SPAG9: variants seen among roughly 807,000 people sequenced by gnomAD.
SPAG9 encodes C-Jun-amino-terminal kinase-interacting protein 4.
A neutral mutation model predicts 166.5 loss-of-function variants in SPAG9; 35 were observed. The observed-to-expected ratio is 0.21, with a 90% CI of 0.16 to 0.28. The LOEUF (loss-of-function observed/expected upper bound fraction) is 0.28. Ranked by LOEUF, SPAG9 falls within the 10% of genes least tolerant of loss-of-function variation. The pLI is 1.00. For synonymous variants in SPAG9, 534 were observed against 565.5 expected (o/e 0.94, Z 0.79); for missense variants, 1,235 against 1,603.3 (o/e 0.77, Z 3.92).
chr17:51,096,922 A>G (rs2048665086), intron 1 of SPAG9, among the ~76,000 whole-genome samples: 2 of 152,230 alleles, frequency 1.3e-5, no homozygotes, highest in Non-Finnish European at 1.5e-5. Flanking sequence ...TAATGGGTAG[A>G]TTCATGGCTG....
intron 21 of SPAG9, chr17:50,989,395 G>A (rs1408916585): frequency 2.1e-6 from 1 of 466,560 alleles, no homozygotes; most frequent in Non-Finnish European, 3.9e-6. Flanking sequence ...ATCACCTAAT[G>A]ACACATTTCT....
intron 4 of SPAG9, among the ~76,000 whole-genome samples, chr17:51,041,927 A>T (rs1053525731): frequency 3.3e-5 from 5 of 152,236 alleles, no homozygotes; most frequent in African/African-American, 1.2e-4. Flanking sequence ...CCCAAGAAGC[A>T]GTCAGTGGTC....
chr17:51,100,508 C>T (rs2048778844), intron 1 of SPAG9, among the ~76,000 whole-genome samples: 1 of 152,052 alleles, frequency 6.6e-6, no homozygotes, highest in Non-Finnish European at 1.5e-5. Flanking sequence ...TGTGACAGTA[C>T]CTACAGTACC....
In SPAG9 at chr17:50,964,784, G is replaced by C; in HGVS notation, c.*1488C>G. On this transcript the variant is annotated 3_prime_UTR_variant, in exon 30 of 30. Transcript: ENST00000262013. ...TTTGTCTGTTTTGAGACAGGGTCTT[G>C]CTCCGTCACCCAGGCTGGAGTGCAG... 2.3e-6 allele frequency: 1 copy of C among 441,924 alleles called. No individual in the cohort carries two copies. Among genetic ancestry groups the C allele is most frequent in the South Asian group, 1.6e-5 (1 of 62,792 alleles). 27.4% of individuals were successfully genotyped at this position (441,924 alleles called of 1,614,324 possible). A position where few individuals can be genotyped will look rare whatever the true frequency, so the allele number is the denominator to read the frequency against.
intron 1 of SPAG9, among the ~76,000 whole-genome samples, chr17:51,100,022 C>A (rs2144732069): frequency 6.6e-6 from 1 of 152,198 alleles, no homozygotes; most frequent in South Asian, 2.1e-4. Context: ...ATCACTTGAA[C>A]CTGGGAGGCG....
At chr17:51,070,176 A>G (rs1398847114) in intron 2 of SPAG9, among the ~76,000 whole-genome samples, 1 of 152,126 alleles carries the variant, frequency 6.6e-6, no homozygotes, top group Non-Finnish European at 1.5e-5. Flanking sequence ...AAATCTTTTC[A>G]TCTTCTCCAC....
chr17:50,987,150 A>T lies in SPAG9; in HGVS notation c.2901T>A (p.Ser967Arg). 6.2e-7 allele frequency: 1 copy of T among 1,613,442 alleles called. No homozygotes were observed. The highest frequency in any genetic ancestry group is 8.5e-7 in the Non-Finnish European group (1 of 1,179,732). Residue 967 changes from serine to arginine, a missense_variant, in exon 22 of 30, where the codon AGT (serine) becomes AGA (arginine). Physicochemically the swap from Ser to Arg is moderately radical, Grantham distance 110. This residue lies in a region of SPAG9 where 493 missense variants were observed against 559.4 expected (regional missense o/e 0.88). Transcript: ENST00000262013. ...LVREEAQKMS[S>R]LLPTMWLGAQ... Reference sequence around the variant, plus strand: ...CTCCAAGCCACATAGTTGGTAAAAGACTACTCATTTTCTGGGCTTCTTCTC... The same window carrying T: ...CTCCAAGCCACATAGTTGGTAAAAGTCTACTCATTTTCTGGGCTTCTTCTC...
intron 3 of SPAG9, among the ~76,000 whole-genome samples, chr17:51,052,499 T>C (rs1366613417): frequency 6.6e-6 from 1 of 152,174 alleles, no homozygotes; most frequent in Non-Finnish European, 1.5e-5. Flanking sequence ...AGGAGATCTA[T>C]GAAAAGAGCT....
At position 51,120,288 on chromosome 17, in the gene SPAG9, C is replaced by A; in HGVS notation, c.303+66G>T. 1 of 1,227,972 alleles carries A rather than the reference C, an allele frequency of 8.1e-7. No individual in the cohort carries two copies. Among genetic ancestry groups the A allele is most frequent in the Non-Finnish European group, 1.0e-6 (1 of 982,662 alleles). 76.1% of individuals were successfully genotyped at this position (1,227,972 alleles called of 1,614,324 possible). A position where few individuals can be genotyped will look rare whatever the true frequency, so the allele number is the denominator to read the frequency against. Reference sequence around the variant, plus strand: ...GTCGCGCCTCTAGTCCCCGACCGGGCCGCGACCCCGCCCCGGCCGCCCCCG... The same window carrying A: ...GTCGCGCCTCTAGTCCCCGACCGGGACGCGACCCCGCCCCGGCCGCCCCCG... On this transcript the variant is annotated intron_variant, in intron 1 of 29. Coordinates refer to ENST00000262013, the MANE Select transcript of SPAG9 (RefSeq NM_001130528.3). The surrounding 1 kb of genome is among the most constrained non-coding windows in gnomAD (Gnocchi z 4.7).
intron 18 of SPAG9, 120 bp from the exon 19 acceptor site, chr17:50,994,055 G>T: frequency 1.0e-6 from 1 of 966,746 alleles, no homozygotes; most frequent in Non-Finnish European, 1.5e-6. Context: ...TATTTGGAAG[G>T]GTAAAAATAC....
chr17:50,980,180 C>T (rs4794198), intron 25 of SPAG9, among the ~76,000 whole-genome samples: 84,965 of 151,860 alleles, frequency 0.56, 24,535 homozygotes, highest in African/African-American at 0.65. Context: ...TGTAACAGTG[C>T]TCAACAGAAA....
chr17:50,969,213 C>T (rs1210389768), intron 29 of SPAG9, among the ~76,000 whole-genome samples: 1 of 152,110 alleles, frequency 6.6e-6, no homozygotes, highest in African/African-American at 2.4e-5. Context: ...TGACAGCCCC[C>T]AAATCCCTCC....
chr17:50,979,211 A>AG (rs1194801261), intron 26 of SPAG9, among the ~76,000 whole-genome samples: 32 of 150,260 alleles, frequency 2.1e-4, no homozygotes, highest in Non-Finnish European at 5.9e-5. Flanking sequence ...TCATTTCTAC[A>AG]GGAAAAAAAA....
At position 50,999,023 on chromosome 17, in the gene SPAG9, C is replaced by A. The variant is rs550971966; in HGVS notation, c.1665-406G>T. ...TGAATGGAAGCTTAGTATGCCAGTT[C>A]TAAAAACAGCTTATTATAATCAAGT... On this transcript the variant is annotated intron_variant, in intron 14 of 29. Coordinates refer to ENST00000262013, the MANE Select transcript of SPAG9 (RefSeq NM_001130528.3). Among the ~76,000 whole-genome samples the A allele has an allele frequency of 3.3e-5, 5 of 152,292 alleles. No homozygotes were observed. The South Asian group carries it at 8.3e-4, about 25-fold the overall frequency.
intron 10 of SPAG9, among the ~76,000 whole-genome samples, chr17:51,006,985 A>G (rs1451885861): frequency 2.0e-5 from 3 of 152,198 alleles, no homozygotes; most frequent in Non-Finnish European, 4.4e-5. Flanking sequence ...AACCAGGACA[A>G]ATTTAGAAGA....
At chr17:50,998,326 G>T in intron 15 of SPAG9, 118 bp downstream of exon 15, 1 of 937,130 alleles carries the variant, frequency 1.1e-6, no homozygotes, top group Non-Finnish European at 1.6e-6. Context: ...CACCGTGCCT[G>T]GCCCAGAAAT....
intron 5 of SPAG9, among the ~76,000 whole-genome samples, chr17:51,037,665 T>TA (rs2046646737): frequency 2.2e-5 from 2 of 92,910 alleles, no homozygotes; most frequent in African/African-American, 3.7e-5. Context: ...TATATGTGTT[T>TA]TATATATATA....
intron 1 of SPAG9, among the ~76,000 whole-genome samples, chr17:51,115,205 G>A (rs2049249465): frequency 6.6e-6 from 1 of 151,886 alleles, no homozygotes; most frequent in Non-Finnish European, 1.5e-5. Context: ...TTGTTTTTTG[G>A]TAAGAAACAG....
At chr17:51,101,510 T>C (rs546957788) in intron 1 of SPAG9, among the ~76,000 whole-genome samples, 1 of 152,172 alleles carries the variant, frequency 6.6e-6, no homozygotes, top group South Asian at 2.1e-4. Flanking sequence ...TTCTGACAGG[T>C]AGCAGTAACA....
Sources: allele counts gnomAD v4.1 joint callset (sites outside exome capture counted in the v4.1 genomes callset), GRCh38; gene constraint gnomAD v4.1.1; regional missense constraint gnomAD v4.1.1; non-coding constraint Gnocchi (gnomAD v3.1); transcripts MANE v1.5; gene names NCBI Gene and HGNC (gene_info 2026-07-23, HGNC 2026-07-21).